The following SIM1 variants were observed in gnomAD, a reference collection of about 807,000 sequenced individuals.
The protein encoded by SIM1 is single-minded homolog 1.
Under a neutral mutation model 78.2 loss-of-function variants are expected in SIM1, and 18 were observed. The observed-to-expected ratio is 0.23, with a 90% CI of 0.16 to 0.34. SIM1 has a LOEUF of 0.34. Ranked by LOEUF, SIM1 falls within the 10% of genes least tolerant of loss-of-function variation. The pLI is 1.00. For missense variants in SIM1, 939 were observed against 975.1 expected, an observed-to-expected ratio of 0.96 and a Z score of 0.49; for synonymous variants, 417 against 385.2, an observed-to-expected ratio of 1.08 and a Z score of -0.97.
chr6:100,437,887 T>C (rs1484110258), intron 9 of SIM1, among the ~76,000 whole-genome samples: 1 of 152,092 alleles, frequency 6.6e-6, no homozygotes, highest in East Asian at 1.9e-4. Flanking sequence ...TTTGAGGATA[T>C]AGAGAAAATA....
At chr6:100,401,512 C>G (rs183737095) in intron 10 of SIM1, among the ~76,000 whole-genome samples, 5 of 151,422 alleles carry the variant, frequency 3.3e-5, no homozygotes, top group Admixed American at 2.6e-4. Flanking sequence ...AAATACACAT[C>G]GATGTATTAA....
rs1480379015 is a variant in SIM1 at position 100,390,762 on chromosome 6, G to A, written c.1900C>T (p.Gln634Ter). The change falls in exon 12 of 12, where the codon CAG (glutamine) becomes TAG (stop). Residue 634 changes from glutamine (Q) to a stop codon, truncating the protein, a stop_gained. Transcript: ENST00000369208. LOFTEE classifies it high-confidence loss of function. ...CTCAACATTTTTCCCTCTCTCTGCTGGATATGGTCACATGGTGAAGTGTTG... is the reference window on the plus strand; with the variant it reads ...CTCAACATTTTTCCCTCTCTCTGCTAGATATGGTCACATGGTGAAGTGTTG... Reference protein sequence around the residue: ...LANTSPCDHIQQREGKMLSPH... With the variant: ...LANTSPCDHI 6.2e-7 allele frequency: 1 copy of A among 1,614,026 alleles called. No individual in the cohort carries two copies. The highest frequency in any genetic ancestry group is 8.5e-7 in the Non-Finnish European group (1 of 1,180,028).
At chr6:100,464,235 C>G (rs1317053323) in intron 1 of SIM1, among the ~76,000 whole-genome samples, 1 of 152,228 alleles carries the variant, frequency 6.6e-6, no homozygotes, top group East Asian at 1.9e-4. Context: ...AGTCCGCGCC[C>G]AGGCCGGGCG....
chr6:100,437,229 C>T (rs1170539903), intron 9 of SIM1: 2 of 151,992 alleles, frequency 1.3e-5, no homozygotes, highest in Admixed American at 6.6e-5. Context: ...TTTCAAATAC[C>T]TTGTAATGCA....
intron 10 of SIM1, among the ~76,000 whole-genome samples, chr6:100,397,557 A>G (rs1770798199): frequency 6.6e-6 from 1 of 152,194 alleles, no homozygotes; most frequent in African/African-American, 2.4e-5. Flanking sequence ...GCAAAACCTA[A>G]GATTATAAAG....
At chr6:100,402,565 C>CTTT (rs1279941987) in intron 10 of SIM1, among the ~76,000 whole-genome samples, 3,536 of 104,240 alleles carry the variant, frequency 0.034, 199 homozygotes, top group East Asian at 0.086. Context: ...CTTTTCTTTT[C>CTTT]TCTTTTTTTT....
In SIM1 at chr6:100,391,093, T is replaced by TA. The variant is rs756211402; in HGVS notation, c.1571-3dup. The TA allele has an allele frequency of 6.4e-7, 1 of 1,563,482 alleles. No individual in the cohort carries two copies. The highest frequency in any genetic ancestry group is 8.6e-7 in the Non-Finnish European group (1 of 1,158,816). On this transcript the variant is annotated splice_region_variant and splice_polypyrimidine_tract_variant and intron_variant, in intron 11 of 11. Transcript: ENST00000369208. ...TATCTTCATCCCAATGACCTCGCCC[T>TA]AAAAATTAGAAAAAGTCAAAAGTAA...
At chr6:100,437,066 T>C (rs1288110572) in intron 9 of SIM1, among the ~76,000 whole-genome samples, 1 of 152,054 alleles carries the variant, frequency 6.6e-6, no homozygotes, top group Non-Finnish European at 1.5e-5. Context: ...AATAGAGAGA[T>C]AGTGTAGTTA....
chr6:100,408,571 T>A (rs1771110049), intron 10 of SIM1, among the ~76,000 whole-genome samples: 1 of 152,154 alleles, frequency 6.6e-6, no homozygotes, highest in East Asian at 1.9e-4. Context: ...ATCTTTACTA[T>A]GTTGTGTTAC....
In SIM1 at chr6:100,390,485, G is replaced by A. The variant is rs202195086; in HGVS notation, c.2177C>T (p.Thr726Ile). 9 of 1,614,108 alleles carry A rather than the reference G, an allele frequency of 5.6e-6. No individual in the cohort carries two copies. In the Admixed American group the frequency reaches 8.3e-5, roughly 15 times the overall value. The change falls in exon 12 of 12, where the codon ACC becomes ATC. Residue 726 changes from threonine (T) to isoleucine (I), a missense_variant. By Grantham distance (89) the Thr-to-Ile change is moderately conservative. Around this residue, in one of 5 missense-constraint regions of SIM1, gnomAD observed 556 missense variants for 521.9 expected, o/e 1.07. Coordinates refer to ENST00000369208, the MANE Select transcript of SIM1 (RefSeq NM_005068.3). ...ACAGCCCAAGGAATAGTTTCTAATG[G>A]TTTCGCTGTCATATAAGTGCTCCAG... ...YALEHLYDSE[T>I]IRNYSLGCNG...
At position 100,449,438 on chromosome 6, in the gene SIM1, G is replaced by C. The variant is rs1261123636; in HGVS notation, c.468C>G (p.Ile156Met). The C allele has an allele frequency of 8.7e-6, 14 of 1,613,772 alleles. No individual in the cohort carries two copies. In the Admixed American group the frequency reaches 2.3e-4, roughly 27 times the overall value. The change falls in exon 6 of 12, where the codon ATC becomes ATG. Residue 156 changes from isoleucine (I) to methionine (M), a missense_variant. Physicochemically the swap from Ile to Met is conservative, Grantham distance 10. Coordinates refer to ENST00000369208, the MANE Select transcript of SIM1 (RefSeq NM_005068.3). ...TCATCCTCAGGAAGAAGGAGCGCTC[G>C]ATCTCATACTCTGGGAGAGAGGAAC... ...YHSHFVQEYE[I>M]ERSFFLRMKC...
chr6:100,444,881 A>C (rs1289969811), intron 9 of SIM1, among the ~76,000 whole-genome samples: 1 of 152,180 alleles, frequency 6.6e-6, no homozygotes, highest in Non-Finnish European at 1.5e-5. Context: ...CTTTCATGAC[A>C]TGAAAATCCC....
intron 10 of SIM1, among the ~76,000 whole-genome samples, chr6:100,417,573 A>C (rs1233071829): frequency 1.3e-5 from 2 of 152,214 alleles, no homozygotes; most frequent in Non-Finnish European, 2.9e-5. Flanking sequence ...ATTTTTGAGA[A>C]GCTAATTTAA....
chr6:100,399,463 A>G (rs1489949744), intron 10 of SIM1, among the ~76,000 whole-genome samples: 1 of 152,074 alleles, frequency 6.6e-6, no homozygotes, highest in Non-Finnish European at 1.5e-5. Context: ...AGAGAAGTAG[A>G]TGTCATAAAA....
chr6:100,400,866 A>T (rs1428342599), intron 10 of SIM1, among the ~76,000 whole-genome samples: 1 of 152,082 alleles, frequency 6.6e-6, no homozygotes, highest in Admixed American at 6.5e-5. Flanking sequence ...CTCAATAAAG[A>T]TTTATTTGGG....
intron 2 of SIM1, 45 bp downstream of exon 2, chr6:100,463,249 C>T: frequency 2.0e-6 from 3 of 1,538,046 alleles, no homozygotes; most frequent in Admixed American, 1.8e-5. Context: ...GGCAAATCCC[C>T]GGCCCCTTCT....
intron 10 of SIM1, among the ~76,000 whole-genome samples, chr6:100,415,295 A>G (rs1172014005): frequency 1.3e-5 from 2 of 152,222 alleles, no homozygotes; most frequent in African/African-American, 4.8e-5. Context: ...TATTGCAGCA[A>G]TTTCTAGCAG....
At chr6:100,427,148 G>T (rs940267257) in intron 9 of SIM1, 3 of 152,174 alleles carry the variant, frequency 2.0e-5, no homozygotes, top group Admixed American at 1.3e-4. Flanking sequence ...GTAAACCTCC[G>T]CAGCAGAGAG....
Position 100,389,952 on chromosome 6 carries a change from C to A in SIM1, c.*409G>T, listed in dbSNP as rs1770595289. 1 of 392,168 alleles carries A rather than the reference C, an allele frequency of 2.5e-6. No homozygotes were observed. The highest frequency in any genetic ancestry group is 2.1e-5 in the African/African-American group (1 of 48,540). 24.3% of individuals were successfully genotyped at this position (392,168 alleles called of 1,614,324 possible). A position where few individuals can be genotyped will look rare whatever the true frequency, so the allele number is the denominator to read the frequency against. On this transcript the variant is annotated 3_prime_UTR_variant, in exon 12 of 12. Coordinates refer to ENST00000369208, the MANE Select transcript of SIM1 (RefSeq NM_005068.3). The stretch of plus-strand genomic sequence containing the variant: ...ACCCATTTTTGATGTATTTACATTA[C>A]ATAGCCTATATTTCCATATGTAAAA...
Sources: gnomAD v4.1 joint callset for allele counts (sites outside exome capture counted in the v4.1 genomes callset) on GRCh38, gnomAD v4.1.1 for gene constraint, gnomAD v4.1.1 regional missense constraint, MANE v1.5 for transcripts, NCBI Gene and HGNC (gene_info 2026-07-23, HGNC 2026-07-21) for gene names.